Variants in ZP3 observed in about 807,000 individuals in gnomAD.
ZP3 encodes zona pellucida glycoprotein 3.
ZP3 carries 21 observed loss-of-function variants against 35.6 expected under a neutral mutation model. That is an observed-to-expected ratio of 0.59 (90% CI 0.42 to 0.85). The LOEUF (loss-of-function observed/expected upper bound fraction) is 0.85. Ranked by LOEUF, ZP3 falls within the 40% of genes least tolerant of loss-of-function variation. The pLI is 0.00. For missense variants in ZP3, 437 were observed against 536.5 expected, an observed-to-expected ratio of 0.81 and a Z score of 1.83; for synonymous variants, 207 against 214.5, an observed-to-expected ratio of 0.96 and a Z score of 0.31.
rs745580577 is a variant in ZP3, at chr7:76,433,600, A to G, written c.666A>G (p.Thr222=). 46 of 1,613,852 alleles carry G rather than the reference A, an allele frequency of 2.9e-5. No homozygotes were observed. The highest frequency in any genetic ancestry group is 3.6e-5 in the Non-Finnish European group (43 of 1,179,902). ...TGGACCACTGCGTGGCCACACCGAC[A>G]CCAGACCAGAATGCCTCCCCTTATC... The part of the protein sequence containing the change: ...LFVDHCVATP[T]PDQNASPYHT... The change falls in exon 4 of 8, where the codon ACA becomes ACG. Residue 222 remains threonine, a synonymous_variant. Coordinates refer to ENST00000394857, the MANE Select transcript of ZP3 (RefSeq NM_001110354.2).
intron 3 of ZP3, 98 bp downstream of exon 3, chr7:76,433,128 G>A (rs1404713802): frequency 1.6e-6 from 1 of 622,998 alleles, no homozygotes; most frequent in Non-Finnish European, 2.8e-6. Flanking sequence ...TTTGGTTTTG[G>A]TTTTGGTTGG....
chr7:76,429,717 G>C, intron 2 of ZP3, 84 bp downstream of exon 2: 1 of 1,155,686 alleles, frequency 8.7e-7, no homozygotes, highest in Non-Finnish European at 1.3e-6. Flanking sequence ...ATGGGCTACA[G>C]CTTGCAGCAT....
chr7:76,400,503 G>A (rs750796775), intron 1 of ZP3: 1 of 1,599,030 alleles, frequency 6.3e-7, no homozygotes, highest in South Asian at 1.1e-5. Flanking sequence ...CCACGTCCCA[G>A]TCGTCATCAC....
At chr7:76,422,395 G>A (rs914148240), upstream of ZP3, among the ~76,000 whole-genome samples, 1 of 151,960 alleles carries the variant, frequency 6.6e-6, no homozygotes, top group African/African-American at 2.4e-5. Context: ...TTGACATGAG[G>A]TGGCCAGGCG....
At chr7:76,403,325 T>C (rs1804889051) in intron 1 of ZP3, among the ~76,000 whole-genome samples, 1 of 151,596 alleles carries the variant, frequency 6.6e-6, no homozygotes, top group African/African-American at 2.4e-5. Context: ...ATTTTACTGA[T>C]GAAGAAACTG....
chr7:76,436,326 C>T (rs200824295), intron 5 of ZP3, among the ~76,000 whole-genome samples: 10 of 152,026 alleles, frequency 6.6e-5, no homozygotes, highest in Admixed American at 3.9e-4. Flanking sequence ...GGATTACAGG[C>T]GTGAGCCACT....
chr7:76,399,524 C>G (rs569691907), intron 1 of ZP3, among the ~76,000 whole-genome samples: 120 of 151,800 alleles, frequency 7.9e-4, no homozygotes, highest in Non-Finnish European at 1.4e-3. Flanking sequence ...CCAGTGTGAC[C>G]CCAATAGTCG....
rs569187067 is a variant in ZP3, at chr7:76,439,143, A to C, written c.832-1107A>C. 3.5e-5 allele frequency among the ~76,000 whole-genome samples: 5 copies of C among 141,332 alleles called. No homozygotes were observed. The East Asian group carries it at 8.5e-4, about 24-fold the overall frequency. 92.7% of individuals were successfully genotyped at this position (141,332 alleles called of 152,430 possible). On this transcript the variant is annotated intron_variant, in intron 5 of 7. Transcript: ENST00000394857. ...CAAGACTCCACCTCAAAAAAAAAAAAAAAAAAAACCTCTTAAGTCTGAAAT... is the reference window on the plus strand; with the variant it reads ...CAAGACTCCACCTCAAAAAAAAAAACAAAAAAAACCTCTTAAGTCTGAAAT...
exon 1 of ZP3, chr7:76,397,746 A>T: frequency 6.2e-7 from 1 of 1,613,228 alleles, no homozygotes; most frequent in South Asian, 1.1e-5. Flanking sequence ...TCGTCGTCAC[A>T]CACGGTGCCC....
chr7:76,406,144 C>G (rs2115813081), intron 1 of ZP3, among the ~76,000 whole-genome samples: 1 of 152,186 alleles, frequency 6.6e-6, no homozygotes, highest in Middle Eastern at 3.4e-3. Flanking sequence ...CGCCACCACG[C>G]CCGGCTCATT....
chr7:76,414,552 T>C (rs1805320281), intron 1 of ZP3, among the ~76,000 whole-genome samples: 2 of 151,678 alleles, frequency 1.3e-5, no homozygotes, highest in Admixed American at 6.6e-5. Context: ...TGTGTGCTTC[T>C]TCAACGCTTC....
intron 1 of ZP3, among the ~76,000 whole-genome samples, chr7:76,416,792 C>T (rs1037795453): frequency 2.9e-5 from 4 of 137,174 alleles, no homozygotes; most frequent in African/African-American, 1.2e-4. Flanking sequence ...GAGCAGGATG[C>T]TGTCTCTCTC....
intron 2 of ZP3, among the ~76,000 whole-genome samples, chr7:76,431,449 C>A (rs1445596227): frequency 1.3e-5 from 2 of 152,130 alleles, no homozygotes; most frequent in Admixed American, 1.3e-4. Flanking sequence ...ATAGATGCAT[C>A]CATCACTTGG....
rs1231741783 is a variant in ZP3, at chr7:76,397,890, A to T, written c.-67+93A>T. 15 of 1,446,254 alleles carry T rather than the reference A, an allele frequency of 1.0e-5. No individual in the cohort carries two copies. In the East Asian group the frequency reaches 1.8e-4, roughly 17 times the overall value. 89.6% of individuals were successfully genotyped at this position (1,446,254 alleles called of 1,614,324 possible). ...CCCACTGGCCTCTGCCCCCGTCCGC[A>T]CCGCAAGGGCAGCCCGGTGTCCCAG... On this transcript the variant is annotated intron_variant, in intron 1 of 8. Transcript: ENST00000336517.
At chr7:76,435,252 A>C (rs1413128579) in intron 5 of ZP3, among the ~76,000 whole-genome samples, 5 of 152,284 alleles carry the variant, frequency 3.3e-5, no homozygotes, top group Non-Finnish European at 5.9e-5. Flanking sequence ...TCCCAGGTGC[A>C]AGTGATTCTC....
At chr7:76,400,350 G>A (rs150236892) in intron 1 of ZP3, 28 of 1,536,590 alleles carry the variant, frequency 1.8e-5, no homozygotes, top group South Asian at 1.1e-4. Context: ...CGCGGCTGCC[G>A]CACTCGCTCA....
At chr7:76,423,036 A>AGG (rs1563695488), upstream of ZP3, among the ~76,000 whole-genome samples, 9 of 126,168 alleles carry the variant, frequency 7.1e-5, no homozygotes, top group East Asian at 2.7e-4. Flanking sequence ...AGAAAGAAAG[A>AGG]AAGAAAGAAA....
chr7:76,412,334 C>T (rs1036171872), intron 1 of ZP3, among the ~76,000 whole-genome samples: 1 of 152,010 alleles, frequency 6.6e-6, no homozygotes, highest in African/African-American at 2.4e-5. Context: ...TATAAAACAT[C>T]TTCAAAATGA....
chr7:76,433,124 T>TGGTTTTGGTTGGTTTTGG, intron 3 of ZP3, 94 bp downstream of exon 3: 3 of 672,478 alleles, frequency 4.5e-6, no homozygotes, highest in South Asian at 3.8e-5. Flanking sequence ...TTTGTTTGGT[T>TGGTTTTGGTTGGTTTTGG]TTGGTTTTGG....
Sources: gnomAD v4.1 joint callset for allele counts (sites outside exome capture counted in the v4.1 genomes callset) on GRCh38, gnomAD v4.1.1 for gene constraint, MANE v1.5 for transcripts, NCBI Gene and HGNC (gene_info 2026-07-23, HGNC 2026-07-21) for gene names.